ATP13A4: variants seen among roughly 807,000 people sequenced by gnomAD.
ATP13A4 encodes ATPase 13A4, also known as probable cation-transporting ATPase 13A4.
ATP13A4 carries 114 observed loss-of-function variants against 142.5 expected under a neutral mutation model. The observed-to-expected ratio is 0.80, with a 90% CI of 0.69 to 0.93. The LOEUF (loss-of-function observed/expected upper bound fraction) is 0.93, where lower values mean the gene tolerates loss of function less well. Ranked by LOEUF, ATP13A4 falls within the 40% of genes least tolerant of loss-of-function variation. ATP13A4 has a pLI of 0.00. For missense variants in ATP13A4, 1,392 were observed against 1,454.0 expected (o/e 0.96, Z 0.69); for synonymous variants, 488 against 514.8 (o/e 0.95, Z 0.70).
At chr3:193,417,167 G>A (rs1560172848) in intron 25 of ATP13A4, 1 of 152,194 alleles carries the variant, frequency 6.6e-6, no homozygotes, top group Non-Finnish European at 1.5e-5. Flanking sequence ...AGACATCCCA[G>A]ATAAACAGAA....
chr3:193,406,759 T>C (rs969858419), intron 29 of ATP13A4, among the ~76,000 whole-genome samples: 1 of 152,178 alleles, frequency 6.6e-6, no homozygotes, highest in Non-Finnish European at 1.5e-5. Context: ...AAAGGCCACA[T>C]ATTGTATGGT....
Position 193,524,870 on chromosome 3 carries a change from T to A in ATP13A4, c.61-9999A>T, listed in dbSNP as rs540240998. Among the ~76,000 whole-genome samples the A allele has an allele frequency of 4.6e-5, 7 of 152,296 alleles. No homozygotes were observed. In the South Asian group the frequency reaches 1.5e-3, roughly 32 times the overall value. On this transcript the variant is annotated intron_variant, in intron 1 of 29. Transcript: ENST00000342695. ...TAGCCAGACATGTTTTGCCCCTCCATATAAGTCAGATCTCACCTCCCTGAC... is the reference window on the plus strand; with the variant it reads ...TAGCCAGACATGTTTTGCCCCTCCAAATAAGTCAGATCTCACCTCCCTGAC...
rs1714254285 is a variant in ATP13A4, at chr3:193,401,370, C to T, written c.*1282G>A. ...ACAAAATAAGGACAATTTTAGTTTT[C>T]TGGAAACTCAAGCCACAAACTTTAA... is the stretch of plus-strand genomic sequence containing the variant. On this transcript the variant is annotated 3_prime_UTR_variant, in exon 30 of 30. Transcript: ENST00000342695. 6.6e-6 allele frequency among the ~76,000 whole-genome samples: 1 copy of T among 151,984 alleles called. No homozygotes were observed. The highest frequency in any genetic ancestry group is 2.4e-5 in the African/African-American group (1 of 41,334).
rs182362286 is a variant in ATP13A4 at position 193,427,151 on chromosome 3, A to C, written c.2842+6694T>G. 5.3e-5 allele frequency among the ~76,000 whole-genome samples: 8 copies of C among 152,254 alleles called. No homozygotes were observed. In the East Asian group the frequency reaches 1.5e-3, roughly 29 times the overall value. ...ATGTGCAAAAATCACAAGCATTCTT[A>C]TACACCACTAACAGAGAAACAGCCA... On this transcript the variant is annotated intron_variant, in intron 25 of 29. Transcript: ENST00000342695.
At chr3:193,582,568 C>T (rs1428208844) in intron 1 of ATP13A4, among the ~76,000 whole-genome samples, 2 of 129,406 alleles carry the variant, frequency 1.5e-5, no homozygotes, top group Admixed American at 8.6e-5. Context: ...ATATATAATA[C>T]ATATAATATA....
At chr3:193,424,273 T>G (rs1715543159) in intron 25 of ATP13A4, among the ~76,000 whole-genome samples, 1 of 148,558 alleles carries the variant, frequency 6.7e-6, no homozygotes, top group African/African-American at 2.5e-5. Context: ...AATCTACAGA[T>G]TCAATCCAAT....
At chr3:193,449,059 G>A (rs184041568) in intron 17 of ATP13A4, among the ~76,000 whole-genome samples, 1 of 152,286 alleles carries the variant, frequency 6.6e-6, no homozygotes, top group East Asian at 1.9e-4. Flanking sequence ...TTTAGCCCCA[G>A]GAGATATGAG....
chr3:193,588,351 AT>A, intron 1 of ATP13A4, among the ~76,000 whole-genome samples: 1 of 152,136 alleles, frequency 6.6e-6, no homozygotes, highest in Admixed American at 6.5e-5. Context: ...TTCAGCACCA[AT>A]CATCATTCCA....
At chr3:193,531,367 G>A (rs1355171030) in intron 1 of ATP13A4, among the ~76,000 whole-genome samples, 5 of 121,262 alleles carry the variant, frequency 4.1e-5, no homozygotes, top group Non-Finnish European at 9.1e-5. Context: ...AGGAGGGAGG[G>A]AGGGAGGAGC....
intron 9 of ATP13A4, among the ~76,000 whole-genome samples, chr3:193,468,487 G>A (rs1231947990): frequency 1.3e-5 from 2 of 152,146 alleles, no homozygotes; most frequent in African/African-American, 2.4e-5. Flanking sequence ...AGTGGCTCAC[G>A]CCTTTAATCC....
chr3:193,402,812 C>A lies in ATP13A4; in HGVS notation c.3431G>T (p.Gly1144Val). The change falls in exon 30 of 30, where the codon GGC (glycine) becomes GTC (valine). Residue 1144 changes from glycine to valine, a missense_variant. By Grantham distance (109) the Gly-to-Val change is moderately radical. Coordinates refer to ENST00000342695, the MANE Select transcript of ATP13A4 (RefSeq NM_032279.4). ...ALWMMIKRCF[G>V]YQSKSQYRIW... Reference sequence around the variant, plus strand: ...CCGATACTGGCTTTTTGACTGATAGCCGAAACATCTTTTAATCATCATCCA... The same window carrying A: ...CCGATACTGGCTTTTTGACTGATAGACGAAACATCTTTTAATCATCATCCA... The A allele has an allele frequency of 6.2e-7, 1 of 1,614,100 alleles. No homozygotes were observed. The highest frequency in any genetic ancestry group is 8.5e-7 in the Non-Finnish European group (1 of 1,179,984).
At chr3:193,569,594 A>G (rs1724215381) in intron 2 of ATP13A4, among the ~76,000 whole-genome samples, 1 of 152,022 alleles carries the variant, frequency 6.6e-6, no homozygotes, top group Non-Finnish European at 1.5e-5. Context: ...CCCAGGCAAC[A>G]ATAGCTCACT....
intron 1 of ATP13A4, among the ~76,000 whole-genome samples, chr3:193,583,305 C>T (rs1413598856): frequency 4.6e-5 from 7 of 151,812 alleles, no homozygotes; most frequent in South Asian, 2.1e-4. Flanking sequence ...TGGTGGCGGG[C>T]GCCTGTAATC....
intron 8 of ATP13A4, among the ~76,000 whole-genome samples, chr3:193,478,343 C>A (rs975549711): frequency 6.6e-6 from 1 of 151,674 alleles, no homozygotes; most frequent in East Asian, 1.9e-4. Flanking sequence ...AAAGCTGGTT[C>A]TTTGAAAAGA....
chr3:193,571,847 C>T (rs1482320550), intron 2 of ATP13A4, among the ~76,000 whole-genome samples: 4 of 151,676 alleles, frequency 2.6e-5, no homozygotes. Context: ...GACATTAGGC[C>T]TGTGAAATAA....
intron 26 of ATP13A4, 106 bp downstream of exon 26, chr3:193,414,472 CA>C: frequency 1.4e-6 from 2 of 1,394,344 alleles, no homozygotes; most frequent in Non-Finnish European, 2.0e-6. Context: ...TTTAAAAAGC[CA>C]AAACCTTTGG....
At chr3:193,588,757 C>A (rs548523746) in intron 1 of ATP13A4, among the ~76,000 whole-genome samples, 2 of 152,262 alleles carry the variant, frequency 1.3e-5, no homozygotes, top group African/African-American at 4.8e-5. Context: ...TACTACCTCA[C>A]ATTAATGTTT....
chr3:193,482,498 A>T (rs1577009595), intron 8 of ATP13A4, among the ~76,000 whole-genome samples: 1 of 152,196 alleles, frequency 6.6e-6, no homozygotes, highest in African/African-American at 2.4e-5. Context: ...ACTGAGAGAA[A>T]ATATTTGCAA....
In ATP13A4 at chr3:193,418,649, C is replaced by T. The variant is rs534913618; in HGVS notation, c.2843-3899G>A. Among the ~76,000 whole-genome samples, 8 of 149,940 alleles carry T rather than the reference C, an allele frequency of 5.3e-5. No homozygotes were observed. In the South Asian group the frequency reaches 1.3e-3, roughly 24 times the overall value. ...TAAGCAAGAGGACCCCAGCAGCCCC[C>T]ATCAACACCCTGGACACCTACAGTC... On this transcript the variant is annotated intron_variant, in intron 25 of 29. Coordinates refer to ENST00000342695, the MANE Select transcript of ATP13A4 (RefSeq NM_032279.4).
Sources: gnomAD v4.1 joint callset for allele counts (sites outside exome capture counted in the v4.1 genomes callset) on GRCh38, gnomAD v4.1.1 for gene constraint, MANE v1.5 for transcripts, NCBI Gene and HGNC (gene_info 2026-07-23, HGNC 2026-07-21) for gene names.